Variants in ARFGEF3 observed in about 807,000 individuals in gnomAD.
ARFGEF3 encodes ARFGEF family member 3.
ARFGEF3 carries 96 observed loss-of-function variants against 221.7 expected under a neutral mutation model. The observed-to-expected ratio is 0.43, with a 90% CI of 0.37 to 0.51. ARFGEF3 has a LOEUF of 0.51. Ranked by LOEUF, ARFGEF3 falls within the 20% of genes least tolerant of loss-of-function variation. The pLI, the probability that ARFGEF3 is intolerant of heterozygous loss-of-function variation, is 0.00. For synonymous variants in ARFGEF3, 1,145 were observed against 1,126.8 expected (o/e 1.02, Z -0.32); for missense variants, 2,410 against 2,789.9 (o/e 0.86, Z 3.07).
chr6:138,307,490 ACAGATTGT>A (rs1779747819), intron 23 of ARFGEF3, 93 bp downstream of exon 23: 2 of 1,148,380 alleles, frequency 1.7e-6, no homozygotes, highest in Non-Finnish European at 2.5e-6. Context: ...AATAGGGAAG[ACAGATTGT>A]CAGCCATGTT....
At position 138,291,875 on chromosome 6, in the gene ARFGEF3, G is replaced by A. The variant is rs780633313; in HGVS notation, c.3190G>A (p.Glu1064Lys). The change falls in exon 19 of 34, where the codon GAG (glutamate) becomes AAG (lysine). Residue 1064 changes from glutamate (E) to lysine (K), a missense_variant. Physicochemically the swap from Glu to Lys is moderately conservative, Grantham distance 56 (BLOSUM62 1). Transcript: ENST00000251691. This position sits in a 1 kb window ranked among gnomAD's most constrained non-coding sequence, Gnocchi z 4.5. ...GDPECEGSPP[E>K]HSPEQGRSLS... ...CCCCGAGTGTGAGGGCTCGCCCCCC[G>A]AGCACAGCCCGGAGCAGGGGCGCTC... 17 of 1,498,732 alleles carry A rather than the reference G, an allele frequency of 1.1e-5. No individual in the cohort carries two copies. The highest frequency in any genetic ancestry group is 6.6e-5 in the Admixed American group (3 of 45,610). The allele number at this position is 1,498,732 out of a possible 1,614,324, so 92.8% of individuals were successfully genotyped here. A position where few individuals can be genotyped will look rare whatever the true frequency, so the allele number is the denominator to read the frequency against.
intron 2 of ARFGEF3, among the ~76,000 whole-genome samples, chr6:138,176,204 C>T (rs1449305951): frequency 2.4e-5 from 3 of 125,676 alleles, no homozygotes; most frequent in Non-Finnish European, 4.9e-5. Flanking sequence ...TTTTTTTAGA[C>T]GGAGTCTTGC....
At chr6:138,245,486 A>G (rs2114559815) in intron 7 of ARFGEF3, 27 bp from the exon 8 acceptor site, 2 of 1,565,610 alleles carry the variant, frequency 1.3e-6, no homozygotes, top group South Asian at 1.1e-5. Flanking sequence ...TCGATGTCTC[A>G]TGCCTGTAAC....
chr6:138,257,875 A>G (rs537263680), intron 10 of ARFGEF3, among the ~76,000 whole-genome samples: 8 of 152,344 alleles, frequency 5.3e-5, no homozygotes, highest in African/African-American at 1.9e-4. Flanking sequence ...AAAATGCACT[A>G]AAGTTTGCTT....
At chr6:138,218,279 T>C (rs768547108) in intron 4 of ARFGEF3, 1 of 1,603,418 alleles carries the variant, frequency 6.2e-7, no homozygotes, top group Non-Finnish European at 8.5e-7. Context: ...TTTCTGGAGC[T>C]AGAATGCCTG....
At chr6:138,294,885 C>G (rs1249132114) in intron 20 of ARFGEF3, among the ~76,000 whole-genome samples, 1 of 152,192 alleles carries the variant, frequency 6.6e-6, no homozygotes, top group African/African-American at 2.4e-5. Flanking sequence ...ACTGCATAAC[C>G]TCTGAGGTCC....
chr6:138,273,309 G>A (rs951705077), intron 12 of ARFGEF3, among the ~76,000 whole-genome samples: 6 of 152,194 alleles, frequency 3.9e-5, no homozygotes, highest in Non-Finnish European at 8.8e-5. Context: ...ACACAGAAGA[G>A]ATTTTAAGAG....
chr6:138,164,970 C>T (rs1367284533), intron 1 of ARFGEF3, among the ~76,000 whole-genome samples: 1 of 151,798 alleles, frequency 6.6e-6, no homozygotes, highest in Non-Finnish European at 1.5e-5. Flanking sequence ...AGAGAGGGGT[C>T]ATCCCCCACT....
chr6:138,231,382 G>T (rs192217265), intron 5 of ARFGEF3, among the ~76,000 whole-genome samples: 18 of 152,204 alleles, frequency 1.2e-4, no homozygotes, highest in Non-Finnish European at 2.4e-4. Flanking sequence ...TGGTGGGAGA[G>T]AAAAATGGGC....
At chr6:138,328,669 G>A (rs1385045728) in intron 32 of ARFGEF3, among the ~76,000 whole-genome samples, 4 of 151,860 alleles carry the variant, frequency 2.6e-5, no homozygotes, top group African/African-American at 9.7e-5. Context: ...GGAATTTGGG[G>A]GAACACAGCC....
intron 29 of ARFGEF3, 21 bp downstream of exon 29, chr6:138,321,246 C>T (rs1304354284): frequency 2.4e-6 from 3 of 1,263,662 alleles, no homozygotes; most frequent in Non-Finnish European, 3.3e-6. Context: ...GCTTTCCTGA[C>T]TCTCCACAAA....
intron 5 of ARFGEF3, among the ~76,000 whole-genome samples, chr6:138,234,475 C>CGTGTGTGTGTGT (rs10642229): frequency 6.7e-4 from 100 of 148,198 alleles, no homozygotes; most frequent in African/African-American, 2.4e-3. Flanking sequence ...CAGTTCACCC[C>CGTGTGTGTGTGT]GTGTGTGTGT....
chr6:138,308,917 G>T, intron 24 of ARFGEF3, 56 bp downstream of exon 24: 1 of 1,607,440 alleles, frequency 6.2e-7, no homozygotes, highest in Non-Finnish European at 8.5e-7. Flanking sequence ...TTCCAGGGTG[G>T]CTCTGTGGCT....
At chr6:138,216,792 C>G (rs1777872658) in intron 4 of ARFGEF3, 1 of 152,158 alleles carries the variant, frequency 6.6e-6, no homozygotes, top group African/African-American at 2.4e-5. Context: ...TATTTAACTC[C>G]TGAATGTGTC....
Position 138,263,500 on chromosome 6 carries a change from G to C in ARFGEF3, c.2017G>C (p.Ala673Pro), listed in dbSNP as rs755066453. ...GAACCAGGAGGCGGATCAGCACAGC[G>C]CCAGGCTGTTCATACAGTCCCTGGA... is the stretch of plus-strand genomic sequence containing the variant. Reference protein sequence around the residue: ...LKNQEADQHSARLFIQSLEGL... With the variant: ...LKNQEADQHSPRLFIQSLEGL... Residue 673 changes from alanine (A) to proline (P), a missense_variant, in exon 12 of 34, where the codon GCC becomes CCC. Physicochemically the swap from Ala to Pro is conservative, Grantham distance 27. Coordinates refer to ENST00000251691, the MANE Select transcript of ARFGEF3 (RefSeq NM_020340.5). 1.2e-6 allele frequency: 2 copies of C among 1,613,728 alleles called. No individual in the cohort carries two copies. Among genetic ancestry groups the C allele is most frequent in the Non-Finnish European group, 8.5e-7 (1 of 1,179,878 alleles).
At chr6:138,253,392 C>G (rs1778614310) in intron 8 of ARFGEF3, among the ~76,000 whole-genome samples, 2 of 151,978 alleles carry the variant, frequency 1.3e-5, no homozygotes, top group African/African-American at 4.8e-5. Flanking sequence ...GTACCTTAAA[C>G]AAGAGTTTAT....
At chr6:138,321,409 G>T (rs908770189) in intron 29 of ARFGEF3, among the ~76,000 whole-genome samples, 184 bp downstream of exon 29, 3 of 152,184 alleles carry the variant, frequency 2.0e-5, no homozygotes, top group Admixed American at 1.3e-4. Flanking sequence ...AATGTGTATT[G>T]TATAAGACAT....
Position 138,338,996 on chromosome 6 carries a change from A to G in ARFGEF3, c.*2510A>G, listed in dbSNP as rs1780380867. 1.3e-5 allele frequency: 2 copies of G among 152,198 alleles called. No individual in the cohort carries two copies. Among genetic ancestry groups the G allele is most frequent in the Non-Finnish European group, 2.9e-5 (2 of 68,080 alleles). The allele number at this position is 152,198 out of a possible 1,614,324, so 9.4% of individuals were successfully genotyped here. A position where few individuals can be genotyped will look rare whatever the true frequency, so the allele number is the denominator to read the frequency against. On this transcript the variant is annotated 3_prime_UTR_variant, in exon 34 of 34. Coordinates refer to ENST00000251691, the MANE Select transcript of ARFGEF3 (RefSeq NM_020340.5). ...AGAATAAAAGGATGAGTAGGTGTAC[A>G]GAGCTCTTGACCTACAATTTTTTAA...
At chr6:138,198,711 C>G (rs1777478072) in intron 2 of ARFGEF3, among the ~76,000 whole-genome samples, 1 of 152,168 alleles carries the variant, frequency 6.6e-6, no homozygotes, top group Non-Finnish European at 1.5e-5. Flanking sequence ...TCCACATATC[C>G]AAACTGCCTA....
Sources: allele counts gnomAD v4.1 joint callset (sites outside exome capture counted in the v4.1 genomes callset), GRCh38; gene constraint gnomAD v4.1.1; non-coding constraint Gnocchi (gnomAD v3.1); transcripts MANE v1.5; gene names NCBI Gene and HGNC (gene_info 2026-07-23, HGNC 2026-07-21).